The following STON2 variants were observed in gnomAD, a reference collection of about 807,000 sequenced individuals.
STON2 encodes the protein stonin-2.
Under a neutral mutation model 65.7 loss-of-function variants are expected in STON2, and 29 were observed. The observed-to-expected ratio is 0.44, with a 90% CI of 0.33 to 0.60. STON2 has a LOEUF of 0.60. STON2 is among the 20% of genes least tolerant of loss of function. STON2 has a pLI of 0.03. For missense variants in STON2, 1,054 were observed against 1,118.1 expected, an observed-to-expected ratio of 0.94 and a Z score of 0.82; for synonymous variants, 404 against 414.2, an observed-to-expected ratio of 0.98 and a Z score of 0.30.
rs576879483 is a variant in STON2 at position 81,269,725 on chromosome 14, C to A, written c.2784+945G>T. 14 of 984,994 alleles carry A rather than the reference C, an allele frequency of 1.4e-5. No homozygotes were observed. The East Asian group carries it at 1.0e-3, about 72-fold the overall frequency. The allele number at this position is 984,994 out of a possible 1,614,324, so 61.0% of individuals were successfully genotyped here. ...CAAGGATATTATTATAAATAGAAAA[C>A]CACTTTGCAAAATCCTTCTTTAACA... On this transcript the variant is annotated intron_variant, in intron 7 of 7. Coordinates refer to ENST00000614646, the MANE Select transcript of STON2 (RefSeq NM_001394390.1).
intron 5 of STON2, chr14:81,323,535 A>G (rs984026323): frequency 2.0e-5 from 3 of 152,156 alleles, no homozygotes. Flanking sequence ...CCCACCTTGC[A>G]TCTTCCGTTC....
At chr14:81,303,452 C>T (rs948645948) in intron 5 of STON2, among the ~76,000 whole-genome samples, 2 of 152,168 alleles carry the variant, frequency 1.3e-5, no homozygotes, top group Admixed American at 1.3e-4. Context: ...AAGCAGTGGC[C>T]CTGACAGGCA....
At chr14:81,433,803 C>T (rs1026623631) in intron 1 of STON2, among the ~76,000 whole-genome samples, 2 of 152,210 alleles carry the variant, frequency 1.3e-5, no homozygotes, top group Non-Finnish European at 2.9e-5. Flanking sequence ...GCCTGACTTA[C>T]ACTGGACATG....
intron 1 of STON2, among the ~76,000 whole-genome samples, chr14:81,433,336 T>G (rs1902290087): frequency 6.6e-6 from 1 of 152,184 alleles, no homozygotes; most frequent in Admixed American, 6.5e-5. Flanking sequence ...TATTTCAATC[T>G]TCTCTCCACC....
chr14:81,338,873 T>A (rs1002474438), intron 4 of STON2, among the ~76,000 whole-genome samples: 1 of 152,122 alleles, frequency 6.6e-6, no homozygotes, highest in Non-Finnish European at 1.5e-5. Context: ...ATGGGAGGCA[T>A]AATAAGGAAT....
rs539642865 is a variant in STON2, at chr14:81,411,458, G to A, written c.-198-12878C>T. ...GCACTGGCTCACGCCTGTAATCCCA[G>A]CACTTTGGGAGGCCAAGGCAGGTGG... is the stretch of plus-strand genomic sequence containing the variant. On this transcript the variant is annotated intron_variant, in intron 2 of 8. Coordinates refer to the STON2 transcript ENST00000553821. Among the ~76,000 whole-genome samples the A allele has an allele frequency of 9.2e-5, 14 of 152,352 alleles. No individual in the cohort carries two copies. In the South Asian group the frequency reaches 2.3e-3, roughly 25 times the overall value.
chr14:81,264,586 A>C lies in STON2; in HGVS notation c.*3828T>G. 4.1e-6 allele frequency: 4 copies of C among 984,570 alleles called. No individual in the cohort carries two copies. The highest frequency in any genetic ancestry group is 4.8e-6 in the Non-Finnish European group (4 of 829,124). The allele number at this position is 984,570 out of a possible 1,614,324, so 61.0% of individuals were successfully genotyped here. A position where few individuals can be genotyped will look rare whatever the true frequency, so the allele number is the denominator to read the frequency against. On this transcript the variant is annotated 3_prime_UTR_variant, in exon 8 of 8. Coordinates refer to ENST00000614646, the MANE Select transcript of STON2 (RefSeq NM_001394390.1). The stretch of plus-strand genomic sequence containing the variant: ...TTCATGGATCCCATTTATCAGAAAC[A>C]TAAGTTTCTAGGGAAATAAACTCTT...
At chr14:81,320,971 T>C (rs1466686713) in intron 5 of STON2, among the ~76,000 whole-genome samples, 1 of 152,146 alleles carries the variant, frequency 6.6e-6, no homozygotes, top group Non-Finnish European at 1.5e-5. Flanking sequence ...GCTAATTAGA[T>C]TTTAGGCACC....
At chr14:81,290,462 GGAATTAGGAGAA>G (rs1424535952) in intron 5 of STON2, among the ~76,000 whole-genome samples, 5 of 152,134 alleles carry the variant, frequency 3.3e-5, no homozygotes, top group Non-Finnish European at 7.3e-5. Flanking sequence ...ATGTGTCCTG[GGAATTAGGAGAA>G]GAAGATGCGT....
chr14:81,372,951 T>C (rs1899071828), intron 3 of STON2, among the ~76,000 whole-genome samples: 1 of 152,252 alleles, frequency 6.6e-6, no homozygotes, highest in Admixed American at 6.5e-5. Flanking sequence ...TTAGGTCCTT[T>C]TTCTGGAGTT....
chr14:81,400,962 C>A (rs952207711), upstream of STON2, among the ~76,000 whole-genome samples: 6 of 152,222 alleles, frequency 3.9e-5, no homozygotes, highest in Non-Finnish European at 5.9e-5. Context: ...GTAACGATGA[C>A]AATGAAAACA....
chr14:81,367,950 T>C (rs1182023840), intron 4 of STON2, among the ~76,000 whole-genome samples: 4 of 152,232 alleles, frequency 2.6e-5, no homozygotes, highest in African/African-American at 9.6e-5. Flanking sequence ...CATTTGTTTA[T>C]AGAACATAAT....
At chr14:81,380,316 T>C (rs1327104935) in intron 3 of STON2, among the ~76,000 whole-genome samples, 2 of 152,134 alleles carry the variant, frequency 1.3e-5, no homozygotes, top group East Asian at 1.9e-4. Context: ...TCAGAATGGC[T>C]ATTATCAAAA....
At position 81,277,300 on chromosome 14, in the gene STON2, G is replaced by A. The variant is rs200855438; in HGVS notation, c.2182C>T (p.Arg728Trp). ...GTCCTGAACCGCATTAGCTCAAACC[G>A]GCACGCATCCAAAGGGTTGAACAGA... is the stretch of plus-strand genomic sequence containing the variant. ...VILFNPLDAC[R>W]FELMRFRTVF... Residue 728 changes from arginine (R) to tryptophan (W), a missense_variant, in exon 6 of 8, where the codon CGG (arginine) becomes TGG (tryptophan). By Grantham distance (101) the Arg-to-Trp change is moderately radical. Transcript: ENST00000614646. 1.4e-5 allele frequency: 22 copies of A among 1,613,996 alleles called. No homozygotes were observed. The highest frequency in any genetic ancestry group is 2.7e-5 in the African/African-American group (2 of 74,902).
At position 81,261,583 on chromosome 14, in the gene STON2, T is replaced by C; in HGVS notation, c.*6831A>G. On this transcript the variant is annotated 3_prime_UTR_variant, in exon 8 of 8. Coordinates refer to ENST00000614646, the MANE Select transcript of STON2 (RefSeq NM_001394390.1). ...CCTTTTCTCTCATCTGGTTTTGCCA[T>C]AACTTACAAATAGTCCCAGGATGTT... 1 of 468,944 alleles carries C rather than the reference T, an allele frequency of 2.1e-6. No individual in the cohort carries two copies. The highest frequency in any genetic ancestry group is 3.4e-6 in the Non-Finnish European group (1 of 291,940). 29.0% of individuals were successfully genotyped at this position (468,944 alleles called of 1,614,324 possible).
At chr14:81,407,767 T>C (rs184570399) in intron 2 of STON2, among the ~76,000 whole-genome samples, 2 of 152,310 alleles carry the variant, frequency 1.3e-5, no homozygotes, top group African/African-American at 4.8e-5. Context: ...CTACATAAAT[T>C]CTACATATTT....
At chr14:81,346,395 C>T (rs72701736) in intron 4 of STON2, among the ~76,000 whole-genome samples, 4,818 of 152,114 alleles carry the variant, frequency 0.032, 125 homozygotes, top group South Asian at 0.075. Context: ...CCCAGGCCTT[C>T]CCCCAAAGGA....
intron 6 of STON2, among the ~76,000 whole-genome samples, chr14:81,274,590 G>A (rs536344296): frequency 2.6e-5 from 4 of 151,476 alleles, no homozygotes; most frequent in South Asian, 2.1e-4. Flanking sequence ...TGGTGGTCAC[G>A]TCAGTCAAAA....
intron 4 of STON2, among the ~76,000 whole-genome samples, chr14:81,325,290 A>G (rs1896966496): frequency 6.6e-6 from 1 of 152,236 alleles, no homozygotes; most frequent in Admixed American, 6.5e-5. Context: ...AGGTTTCTCT[A>G]CCGTAGCTTC....
Sources: allele counts gnomAD v4.1 joint callset (sites outside exome capture counted in the v4.1 genomes callset), GRCh38; gene constraint gnomAD v4.1.1; transcripts MANE v1.5; gene names NCBI Gene and HGNC (gene_info 2026-07-23, HGNC 2026-07-21).